Variants in GNPTAB observed in about 807,000 individuals in gnomAD.
The protein encoded by GNPTAB is N-acetylglucosamine-1-phosphotransferase subunits alpha/beta.
A neutral mutation model predicts 136.6 loss-of-function variants in GNPTAB; 92 were observed. The observed-to-expected ratio is 0.67, with a 90% CI of 0.57 to 0.80. The LOEUF (loss-of-function observed/expected upper bound fraction) is 0.80. GNPTAB is among the 30% of genes least tolerant of loss of function. GNPTAB has a pLI of 0.00. For synonymous variants in GNPTAB, 512 were observed against 535.1 expected, an observed-to-expected ratio of 0.96 and a Z score of 0.60; for missense variants, 1,343 against 1,501.8, an observed-to-expected ratio of 0.89 and a Z score of 1.75.
chr12:101,803,229 CAA>C (rs888413519), intron 1 of GNPTAB, among the ~76,000 whole-genome samples: 1 of 152,120 alleles, frequency 6.6e-6, no homozygotes, highest in African/African-American at 2.4e-5. Context: ...TCCTAGATTA[CAA>C]AAAGTCTTCT....
At chr12:101,797,163 G>A (rs935819587) in intron 1 of GNPTAB, among the ~76,000 whole-genome samples, 1 of 152,180 alleles carries the variant, frequency 6.6e-6, no homozygotes, top group Non-Finnish European at 1.5e-5. Flanking sequence ...GCTTTGTCCA[G>A]AAGACAGGTA....
intron 20 of GNPTAB, among the ~76,000 whole-genome samples, chr12:101,748,424 C>A (rs1425809789): frequency 6.6e-6 from 1 of 152,224 alleles, no homozygotes; most frequent in Non-Finnish European, 1.5e-5. Context: ...GGTAAAGATG[C>A]CCATTCCCCT....
intron 20 of GNPTAB, among the ~76,000 whole-genome samples, chr12:101,747,796 T>C (rs1343649020): frequency 7.4e-6 from 1 of 134,318 alleles, no homozygotes; most frequent in Non-Finnish European, 1.7e-5. Context: ...AGGAAGGAGT[T>C]TGACTCCAGT....
In GNPTAB at chr12:101,775,888, G is replaced by A. The variant is rs867631668; in HGVS notation, c.771+4264C>T. 2.6e-5 allele frequency among the ~76,000 whole-genome samples: 4 copies of A among 152,192 alleles called. No homozygotes were observed. In the South Asian group the frequency reaches 6.2e-4, roughly 24 times the overall value. ...AGGCCCTGACCAGAGCTTTGAGGGG[G>A]GCAGAGTCCATGCAGGACAATATGC... On this transcript the variant is annotated intron_variant, in intron 7 of 20. Coordinates refer to ENST00000299314, the MANE Select transcript of GNPTAB (RefSeq NM_024312.5).
At chr12:101,765,430 T>C in intron 12 of GNPTAB, 126 bp from the exon 13 acceptor site, 2 of 715,110 alleles carry the variant, frequency 2.8e-6, no homozygotes, top group South Asian at 1.6e-5. Flanking sequence ...CATCATGAAT[T>C]TGCATGTCGT....
chr12:101,774,347 C>T (rs768073982), intron 7 of GNPTAB, among the ~76,000 whole-genome samples: 53 of 152,174 alleles, frequency 3.5e-4, no homozygotes, highest in Non-Finnish European at 5.3e-4. Context: ...GGACAAGAAA[C>T]AAAATTAAGT....
At chr12:101,815,622 CAAAAA>C (rs34191299) in intron 1 of GNPTAB, among the ~76,000 whole-genome samples, 43 of 135,300 alleles carry the variant, frequency 3.2e-4, no homozygotes, top group African/African-American at 1.1e-3. Context: ...GACCCTGTTC[CAAAAA>C]AAAAAAAAAA....
rs149794098 is a variant in GNPTAB, at chr12:101,752,120, C to T, written c.3602+1252G>A. On this transcript the variant is annotated intron_variant, in intron 19 of 20. Coordinates refer to ENST00000299314, the MANE Select transcript of GNPTAB (RefSeq NM_024312.5). ...ATACTCAATAAATTAGCTGATTTAACAAATATAAGAATGAAAATTAGGGCC... is the reference window on the plus strand; with the variant it reads ...ATACTCAATAAATTAGCTGATTTAATAAATATAAGAATGAAAATTAGGGCC... Among the ~76,000 whole-genome samples the T allele has an allele frequency of 2.9e-3, 435 of 151,876 alleles. 2 individuals carry two copies. Among genetic ancestry groups the T allele is most frequent in the Admixed American group, 4.4e-3 (67 of 15,254 alleles).
chr12:101,812,981 T>C (rs1246010221), intron 1 of GNPTAB, among the ~76,000 whole-genome samples: 1 of 138,836 alleles, frequency 7.2e-6, no homozygotes, highest in Non-Finnish European at 1.6e-5. Flanking sequence ...GTGTTTTTTG[T>C]GTGTGTTTTT....
In GNPTAB at chr12:101,761,557, G is replaced by A. The variant is rs1232180182; in HGVS notation, c.2915+7C>T. ...AAGCAAACAACTCAAACACGAGCAA[G>A]ACTTACATATCTTGCAGTTCTTGCA... On this transcript the variant is annotated splice_region_variant and intron_variant, in intron 14 of 20. Coordinates refer to ENST00000299314, the MANE Select transcript of GNPTAB (RefSeq NM_024312.5). 1 of 1,612,136 alleles carries A rather than the reference G, an allele frequency of 6.2e-7. No homozygotes were observed. Among genetic ancestry groups the A allele is most frequent in the Non-Finnish European group, 8.5e-7 (1 of 1,178,798 alleles).
intron 1 of GNPTAB, among the ~76,000 whole-genome samples, chr12:101,797,851 C>A (rs1869387410): frequency 6.6e-6 from 1 of 152,188 alleles, no homozygotes; most frequent in Non-Finnish European, 1.5e-5. Context: ...GTCCCCCCAC[C>A]TTGCAGACAT....
chr12:101,800,590 C>T (rs899275850), intron 1 of GNPTAB, among the ~76,000 whole-genome samples: 1 of 113,308 alleles, frequency 8.8e-6, no homozygotes, highest in African/African-American at 3.6e-5. Flanking sequence ...GAAACCCCAT[C>T]ACTACTAAAA....
At chr12:101,780,805 C>G (rs991131506) in intron 5 of GNPTAB, among the ~76,000 whole-genome samples, 184 bp from the exon 6 acceptor site, 5 of 152,060 alleles carry the variant, frequency 3.3e-5, no homozygotes, top group African/African-American at 9.7e-5. Flanking sequence ...AATCAGTGTA[C>G]GTTGAAATGT....
intron 1 of GNPTAB, among the ~76,000 whole-genome samples, chr12:101,803,542 C>T (rs989125174): frequency 5.3e-5 from 8 of 152,236 alleles, no homozygotes; most frequent in Middle Eastern, 6.8e-3. Context: ...TGATTCAAAC[C>T]GAAGATGGAT....
intron 1 of GNPTAB, among the ~76,000 whole-genome samples, chr12:101,822,329 C>T (rs867768918): frequency 5.3e-5 from 8 of 152,212 alleles, no homozygotes; most frequent in South Asian, 2.1e-4. Context: ...AGGAGAATGG[C>T]GTGAACCCCG....
intron 17 of GNPTAB, 67 bp downstream of exon 17, chr12:101,757,505 T>C (rs1952919235): frequency 2.2e-6 from 2 of 893,156 alleles, no homozygotes; most frequent in East Asian, 4.8e-5. Flanking sequence ...ATTGTAGAAT[T>C]ATAAAAAAGC....
chr12:101,822,244 T>C (rs1000006366), intron 1 of GNPTAB, among the ~76,000 whole-genome samples: 2 of 152,058 alleles, frequency 1.3e-5, no homozygotes, highest in African/African-American at 4.8e-5. Context: ...AAACCCCGTC[T>C]CTACTAAAAA....
chr12:101,804,121 G>A (rs1869804248), intron 1 of GNPTAB, among the ~76,000 whole-genome samples: 2 of 152,072 alleles, frequency 1.3e-5, no homozygotes, highest in African/African-American at 2.4e-5. Flanking sequence ...CTCACTGGCA[G>A]GAGAATTGCT....
At chr12:101,771,931 G>C (rs1953182418) in intron 7 of GNPTAB, among the ~76,000 whole-genome samples, 1 of 152,230 alleles carries the variant, frequency 6.6e-6, no homozygotes, top group South Asian at 2.1e-4. Context: ...GCTGGAATTG[G>C]TGACAAGTAC....
Sources: gnomAD v4.1 joint callset for allele counts (sites outside exome capture counted in the v4.1 genomes callset) on GRCh38, gnomAD v4.1.1 for gene constraint, MANE v1.5 for transcripts, NCBI Gene and HGNC (gene_info 2026-07-23, HGNC 2026-07-21) for gene names.